CETP: variants seen among roughly 807,000 people sequenced by gnomAD.
The protein encoded by CETP is BPI fold containing family F.
CETP carries 56 observed loss-of-function variants against 66.5 expected under a neutral mutation model. The observed-to-expected ratio is 0.84, with a 90% confidence interval of 0.68 to 1.05. The LOEUF (loss-of-function observed/expected upper bound fraction) is 1.05. Ranked by LOEUF, CETP falls within the 50% of genes least tolerant of loss-of-function variation. The pLI, the probability that CETP is intolerant of heterozygous loss-of-function variation, is 0.00. For synonymous variants in CETP, 251 were observed against 245.7 expected (o/e 1.02, Z -0.20); for missense variants, 612 against 609.6 (o/e 1.00, Z -0.04).
chr16:56,976,414 CT>C (rs1231683183), intron 10 of CETP, among the ~76,000 whole-genome samples: 1 of 152,100 alleles, frequency 6.6e-6, no homozygotes, highest in Non-Finnish European at 1.5e-5. Context: ...GTAATTGTAA[CT>C]GTTTAGTTGA....
chr16:56,971,458 TGGGA>T, intron 7 of CETP, 77 bp downstream of exon 7: 1 of 1,273,712 alleles, frequency 7.9e-7, no homozygotes, highest in Non-Finnish European at 1.1e-6. Context: ...TATGTGGCCT[TGGGA>T]CTGTCACTCT....
chr16:56,969,319 T>A (rs1297485668), intron 2 of CETP, 67 bp from the exon 3 acceptor site: 1 of 1,608,356 alleles, frequency 6.2e-7, no homozygotes, highest in Non-Finnish European at 8.5e-7. Flanking sequence ...TAGACAAAAT[T>A]GGAGGCTCAC....
In CETP at chr16:56,983,576, C is replaced by T. The variant is rs1294986130; in HGVS notation, c.1408-16C>T. 1.9e-6 allele frequency: 3 copies of T among 1,614,118 alleles called. No individual in the cohort carries two copies. Among genetic ancestry groups the T allele is most frequent in the Non-Finnish European group, 2.5e-6 (3 of 1,179,948 alleles). ...CAGCCCAGCTCGCCCCTCTCTCCTA[C>T]TGCCCCTCCCTTCAGGGCTTCCTGC... On this transcript the variant is annotated splice_polypyrimidine_tract_variant and intron_variant, in intron 15 of 15. Transcript: ENST00000200676.
chr16:56,974,908 GCCAGGCCTCCAGCCGGGACAGGGGTT>G (rs1382119679), intron 9 of CETP, among the ~76,000 whole-genome samples, 167 bp from the exon 10 acceptor site: 3 of 152,214 alleles, frequency 2.0e-5, no homozygotes, highest in Admixed American at 2.0e-4. Context: ...GGGAGCAGAA[GCCAGGCCTCCAGCCGGGACAGGGGTT>G]CCCTGTTCCA....
intron 2 of CETP, among the ~76,000 whole-genome samples, chr16:56,964,625 C>A (rs1181907855): frequency 6.6e-6 from 1 of 152,224 alleles, no homozygotes; most frequent in Non-Finnish European, 1.5e-5. Context: ...CCCGGCCCTG[C>A]TAAACACGCT....
rs2056091953 is a variant in CETP at position 56,969,455 on chromosome 16, C to T, written c.303C>T (p.Val101=). Reference sequence around the variant, plus strand: ...TGGTGGAAGCCAAGTCCATTGATGTCTCCATTCAGAACGTGTCTGTGGTCT... The same window carrying T: ...TGGTGGAAGCCAAGTCCATTGATGTTTCCATTCAGAACGTGTCTGTGGTCT... ...VELVEAKSID[V]SIQNVSVVFK... The change falls in exon 3 of 16, where the codon GTC becomes GTT. Residue 101 remains valine, a synonymous_variant. Coordinates refer to ENST00000200676, the MANE Select transcript of CETP (RefSeq NM_000078.3). 15 of 1,614,198 alleles carry T rather than the reference C, an allele frequency of 9.3e-6. No individual in the cohort carries two copies. Among genetic ancestry groups the T allele is most frequent in the Non-Finnish European group, 1.2e-5 (14 of 1,180,038 alleles).
chr16:56,978,113 A>G lies in CETP; in HGVS notation c.1004A>G (p.Gln335Arg). The G allele has an allele frequency of 6.2e-7, 1 of 1,614,220 alleles. No homozygotes were observed. Among genetic ancestry groups the G allele is most frequent in the Non-Finnish European group, 8.5e-7 (1 of 1,180,032 alleles). The change falls in exon 11 of 16, where the codon CAG becomes CGG. Residue 335 changes from glutamine to arginine, a missense_variant. Gln to Arg is a conservative substitution (Grantham distance 43). Transcript: ENST00000200676. ...FQEVVGGFPS[Q>R]AQVTVHCLKM... ...CAGGTTGTCGGCGGCTTCCCCAGCCAGGCCCAAGTCACCGTCCACTGCCTC... is the reference window on the plus strand; with the variant it reads ...CAGGTTGTCGGCGGCTTCCCCAGCCGGGCCCAAGTCACCGTCCACTGCCTC...
intron 2 of CETP, among the ~76,000 whole-genome samples, chr16:56,967,735 AT>A (rs1411691921): frequency 6.6e-6 from 1 of 152,096 alleles, no homozygotes; most frequent in East Asian, 1.9e-4. Flanking sequence ...GTAGGGTCTA[AT>A]TCTAAATTAG....
intron 11 of CETP, among the ~76,000 whole-genome samples, chr16:56,978,686 A>G (rs1384226583): frequency 6.6e-6 from 1 of 151,902 alleles, no homozygotes; most frequent in African/African-American, 2.4e-5. Context: ...GGGTCTTGTT[A>G]TGTTGTCCAG....
At chr16:56,971,241 G>GCCA in intron 6 of CETP, 80 bp from the exon 7 acceptor site, 1 of 1,553,208 alleles carries the variant, frequency 6.4e-7, no homozygotes, top group African/African-American at 1.4e-5. Flanking sequence ...CCCCAGCACT[G>GCCA]CCACCACCAC....
chr16:56,972,305 A>G (rs1400420740), intron 8 of CETP, among the ~76,000 whole-genome samples: 1 of 152,148 alleles, frequency 6.6e-6, no homozygotes, highest in Non-Finnish European at 1.5e-5. Flanking sequence ...AGGGCTGCCC[A>G]CTACAAGGAT....
chr16:56,967,672 C>T (rs12708969), intron 2 of CETP, among the ~76,000 whole-genome samples: 1 of 64,398 alleles, frequency 1.6e-5, no homozygotes, highest in Non-Finnish European at 4.6e-5. Flanking sequence ...AAAAAAAAAA[C>T]AATGGTATGA....
At chr16:56,983,284 C>A in intron 14 of CETP, 42 bp from the exon 15 acceptor site, 1 of 1,583,778 alleles carries the variant, frequency 6.3e-7, no homozygotes, top group Non-Finnish European at 8.7e-7. Flanking sequence ...GCCGGCCTTG[C>A]TCCCCAAGAA....
chr16:56,966,089 A>C (rs556905480), intron 2 of CETP, among the ~76,000 whole-genome samples: 4 of 152,214 alleles, frequency 2.6e-5, no homozygotes, highest in African/African-American at 9.6e-5. Flanking sequence ...AATCACTCCA[A>C]GTTTAGTGGC....
chr16:56,975,146 C>T lies in CETP; in HGVS notation c.976C>T (p.Gln326Ter), dbSNP rs1428139220. 7.4e-6 allele frequency: 12 copies of T among 1,614,120 alleles called. No homozygotes were observed. The highest frequency in any genetic ancestry group is 1.1e-5 in the South Asian group (1 of 91,076). Residue 326 changes from glutamine to a stop codon, truncating the protein, a stop_gained, in exon 10 of 16, where the codon CAA becomes TAA. Transcript: ENST00000200676. LOFTEE classifies it high-confidence loss of function. ...CTTCAACACCAACCAGGAAATCTTCCAAGAGGTAACTGCCCCCTGCCCCTG... is the reference window on the plus strand; with the variant it reads ...CTTCAACACCAACCAGGAAATCTTCTAAGAGGTAACTGCCCCCTGCCCCTG... The part of the protein sequence containing the change: ...WGFNTNQEIF[Q>*]EVVGGFPSQA...
intron 2 of CETP, among the ~76,000 whole-genome samples, chr16:56,966,297 C>T (rs17237953): frequency 2.0e-5 from 3 of 152,088 alleles, no homozygotes; most frequent in African/African-American, 7.2e-5. Context: ...TTATTTAGGG[C>T]GAGGGAAGCT....
chr16:56,975,612 C>T (rs1387103877), intron 10 of CETP, among the ~76,000 whole-genome samples: 1 of 152,158 alleles, frequency 6.6e-6, no homozygotes, highest in East Asian at 1.9e-4. Flanking sequence ...TCTTGCTATG[C>T]CCAGTGGCAA....
chr16:56,972,108 A>C (rs1344584485), intron 8 of CETP, 25 bp downstream of exon 8: 1 of 1,566,634 alleles, frequency 6.4e-7, no homozygotes, highest in East Asian at 2.2e-5. Context: ...AGGGTGGGGC[A>C]GGGCCCAGCT....
chr16:56,983,324 A>G lies in CETP; in HGVS notation c.1322-2A>G, dbSNP rs1442792943. 3.7e-6 allele frequency: 6 copies of G among 1,614,034 alleles called. No homozygotes were observed. Among genetic ancestry groups the G allele is most frequent in the East Asian group, 2.2e-5 (1 of 44,902 alleles). On this transcript the variant is annotated splice_acceptor_variant, in intron 14 of 15. Transcript: ENST00000200676. LOFTEE classifies it high-confidence loss of function. ...TGACTGGGGCTCTGTCCCCTGCCCCAGGGCTCGAGGTAGTGTTTACAGCCC... is the reference window on the plus strand; with the variant it reads ...TGACTGGGGCTCTGTCCCCTGCCCCGGGGCTCGAGGTAGTGTTTACAGCCC...
Sources: allele counts gnomAD v4.1 joint callset (sites outside exome capture counted in the v4.1 genomes callset), GRCh38; gene constraint gnomAD v4.1.1; transcripts MANE v1.5; gene names NCBI Gene and HGNC (gene_info 2026-07-23, HGNC 2026-07-21).